Variants in SCHIP1 observed in about 807,000 individuals in gnomAD.
The protein encoded by SCHIP1 is schwannomin interacting protein 1.
In SCHIP1, 8 loss-of-function variants were observed where a neutral mutation model predicts 29.7. That is an observed-to-expected ratio of 0.27 (90% CI 0.16 to 0.49). SCHIP1 has a LOEUF of 0.49. Ranked by LOEUF, SCHIP1 falls within the 20% of genes least tolerant of loss-of-function variation. The probability of loss-of-function intolerance (pLI) is 0.99; values close to 1 mark genes in which losing one functional copy is unlikely to be tolerated. For missense variants in SCHIP1, 193 were observed against 294.6 expected (o/e 0.66, Z 2.52); for synonymous variants, 76 against 94.9 (o/e 0.80, Z 1.16).
the SCHIP1 span, among the ~76,000 whole-genome samples, chr3:159,690,156 G>A: frequency 3.3e-5 from 5 of 152,166 alleles, no homozygotes; most frequent in Admixed American, 1.3e-4. Context: ...GTTTGGAATA[G>A]TTTCAGAAGA....
the SCHIP1 span, among the ~76,000 whole-genome samples, chr3:159,742,141 G>A: frequency 6.6e-6 from 1 of 152,184 alleles, no homozygotes; most frequent in Non-Finnish European, 1.5e-5. Context: ...CAGGAGAAGA[G>A]TGTGAACCCA....
chr3:159,376,073 T>A, the SCHIP1 span, among the ~76,000 whole-genome samples: 3 of 152,160 alleles, frequency 2.0e-5, no homozygotes, highest in East Asian at 5.8e-4. Context: ...CCCAATGTTG[T>A]GTGGTATATG....
the SCHIP1 span, among the ~76,000 whole-genome samples, chr3:159,792,200 A>C: frequency 6.6e-6 from 1 of 152,128 alleles, no homozygotes; most frequent in Non-Finnish European, 1.5e-5. Flanking sequence ...AGCTCAGTTC[A>C]ATGAGTCTTT....
the SCHIP1 span, among the ~76,000 whole-genome samples, chr3:159,566,665 C>T: frequency 6.6e-6 from 1 of 152,150 alleles, no homozygotes; most frequent in Admixed American, 6.5e-5. Flanking sequence ...GCAGAATAAA[C>T]AGCCAGTGCA....
the SCHIP1 span, among the ~76,000 whole-genome samples, chr3:159,798,692 A>T: frequency 6.6e-6 from 1 of 151,988 alleles, no homozygotes; most frequent in Non-Finnish European, 1.5e-5. Context: ...CAGGAGGCGG[A>T]GGTTGCAGTG....
the SCHIP1 span, among the ~76,000 whole-genome samples, chr3:159,554,026 ATGTG>A: frequency 7.5e-4 from 86 of 114,120 alleles, no homozygotes; most frequent in South Asian, 2.3e-3. Flanking sequence ...GTGTTTGTGT[ATGTG>A]TGTGTGTGTG....
the SCHIP1 span, among the ~76,000 whole-genome samples, chr3:159,394,520 A>C: frequency 2.6e-5 from 4 of 152,318 alleles, no homozygotes; most frequent in East Asian, 7.7e-4. Flanking sequence ...AGTTTTTAGC[A>C]TGAAGGGTTG....
At chr3:159,586,877 G>A in the SCHIP1 span, among the ~76,000 whole-genome samples, 3 of 152,108 alleles carry the variant, frequency 2.0e-5, no homozygotes, top group Non-Finnish European at 4.4e-5. Context: ...CCCAACTAAA[G>A]GTTCCATGGC....
At chr3:159,417,785 G>T in the SCHIP1 span, among the ~76,000 whole-genome samples, 1 of 152,160 alleles carries the variant, frequency 6.6e-6, no homozygotes, top group Non-Finnish European at 1.5e-5. Flanking sequence ...AGAATTGAAA[G>T]AGCAGTGGTT....
the SCHIP1 span, among the ~76,000 whole-genome samples, chr3:159,713,436 G>C: frequency 6.6e-6 from 1 of 152,184 alleles, no homozygotes; most frequent in African/African-American, 2.4e-5. Flanking sequence ...ATGAATAACA[G>C]TGTCTATAGT....
At chr3:159,715,440 TA>T in the SCHIP1 span, among the ~76,000 whole-genome samples, 12 of 152,116 alleles carry the variant, frequency 7.9e-5, no homozygotes, top group African/African-American at 2.9e-4. Flanking sequence ...AGATCAGTAA[TA>T]ACAAACCTCT....
the SCHIP1 span, among the ~76,000 whole-genome samples, chr3:159,312,594 G>A: frequency 6.6e-6 from 1 of 152,090 alleles, no homozygotes; most frequent in African/African-American, 2.4e-5. Flanking sequence ...GTGGAAATGG[G>A]GTTTGGTGAG....
the SCHIP1 span, among the ~76,000 whole-genome samples, chr3:159,770,346 G>A: frequency 5.3e-5 from 8 of 152,096 alleles, no homozygotes; most frequent in Admixed American, 3.3e-4. Context: ...TGCCACCTCC[G>A]CCTGCTCAGT....
the SCHIP1 span, among the ~76,000 whole-genome samples, chr3:159,506,355 T>C: frequency 6.6e-6 from 1 of 152,270 alleles, no homozygotes; most frequent in Non-Finnish European, 1.5e-5. Flanking sequence ...CTTTGTAGAT[T>C]CTGAATATTA....
chr3:159,423,692 T>A, the SCHIP1 span, among the ~76,000 whole-genome samples: 1 of 152,228 alleles, frequency 6.6e-6, no homozygotes, highest in African/African-American at 2.4e-5. Flanking sequence ...GTCTGACAGC[T>A]TTGAACAGAG....
chr3:159,387,337 TG>T, the SCHIP1 span: 1 of 373,310 alleles, frequency 2.7e-6, no homozygotes, highest in South Asian at 2.2e-5. Flanking sequence ...AGCATTTTTA[TG>T]GGCAGGGAGA....
At chr3:159,443,596 C>T in the SCHIP1 span, among the ~76,000 whole-genome samples, 1 of 152,088 alleles carries the variant, frequency 6.6e-6, no homozygotes, top group Non-Finnish European at 1.5e-5. Flanking sequence ...GCAACCTCTG[C>T]CTCCGGGGTT....
chr3:159,843,819 T>C (rs1744512925), intron 1 of SCHIP1, among the ~76,000 whole-genome samples: 1 of 78,340 alleles, frequency 1.3e-5, no homozygotes, highest in Admixed American at 1.2e-4. Context: ...CAAGACTCTG[T>C]CTCAAAAAAA....
the SCHIP1 span, among the ~76,000 whole-genome samples, chr3:159,759,038 T>A: frequency 4.6e-5 from 7 of 152,344 alleles, no homozygotes; most frequent in East Asian, 1.3e-3. Context: ...GATATATCTT[T>A]TAAGTGCCAT....
Sources: gnomAD v4.1 joint callset for allele counts (sites outside exome capture counted in the v4.1 genomes callset) on GRCh38, gnomAD v4.1.1 for gene constraint, MANE v1.5 for transcripts, NCBI Gene and HGNC (gene_info 2026-07-23, HGNC 2026-07-21) for gene names.